Variants in LHFPL3 observed in about 807,000 individuals in gnomAD.
LHFPL3 encodes LHFPL tetraspan subfamily member 3, also known as LHFPL tetraspan subfamily member 3 protein.
In LHFPL3, 5 loss-of-function variants were observed where a neutral mutation model predicts 19.3. The ratio of observed to expected loss-of-function variants is 0.26; its 90% confidence interval spans 0.14 to 0.54. LHFPL3 has a LOEUF of 0.54. Among genes scored for constraint, LHFPL3 ranks in the 20% least tolerant of loss-of-function variants. LHFPL3 has a pLI of 0.94. For missense variants in LHFPL3, 249 were observed against 307.4 expected, an observed-to-expected ratio of 0.81 and a Z score of 1.42; for synonymous variants, 133 against 126.2, an observed-to-expected ratio of 1.05 and a Z score of -0.36.
chr7:104,642,927 A>G (rs777652805), intron 1 of LHFPL3, among the ~76,000 whole-genome samples: 1 of 152,224 alleles, frequency 6.6e-6, no homozygotes, highest in Non-Finnish European at 1.5e-5. Flanking sequence ...ATCTTGTGAT[A>G]CACAGTGATT....
intron 1 of LHFPL3, among the ~76,000 whole-genome samples, chr7:104,594,144 A>C (rs926799740): frequency 6.6e-6 from 1 of 152,164 alleles, no homozygotes; most frequent in African/African-American, 2.4e-5. Flanking sequence ...TAGTTTTTAC[A>C]ATTTGGCCTG....
chr7:104,496,642 A>T (rs1001057793), intron 1 of LHFPL3, among the ~76,000 whole-genome samples: 1 of 152,056 alleles, frequency 6.6e-6, no homozygotes, highest in Non-Finnish European at 1.5e-5. Flanking sequence ...TTGTTTCCTG[A>T]TTTTTTTAAT....
intron 1 of LHFPL3, among the ~76,000 whole-genome samples, chr7:104,554,812 A>G (rs1466539970): frequency 6.6e-6 from 1 of 152,204 alleles, no homozygotes; most frequent in South Asian, 2.1e-4. Flanking sequence ...GTCCAAGTCC[A>G]AAGCCTCAGA....
intron 1 of LHFPL3, among the ~76,000 whole-genome samples, chr7:104,585,476 CACAA>C (rs1448411690): frequency 8.2e-4 from 112 of 136,378 alleles, no homozygotes; most frequent in African/African-American, 3.1e-3. Flanking sequence ...AGGCAACACA[CACAA>C]ACACACACAC....
At chr7:104,742,801 C>T (rs1293539767) in intron 2 of LHFPL3, among the ~76,000 whole-genome samples, 2 of 152,086 alleles carry the variant, frequency 1.3e-5, no homozygotes, top group African/African-American at 2.4e-5. Flanking sequence ...TCAGTGAGCA[C>T]ATTAAATACT....
chr7:104,525,889 G>GCCA (rs1562925848), intron 1 of LHFPL3, among the ~76,000 whole-genome samples: 56 of 152,064 alleles, frequency 3.7e-4, no homozygotes, highest in African/African-American at 1.3e-3. Context: ...ACAGGGGTGA[G>GCCA]CTACTGTGCC....
At chr7:104,896,103 C>T (rs1792353262) in intron 2 of LHFPL3, 1 of 152,226 alleles carries the variant, frequency 6.6e-6, no homozygotes, top group South Asian at 2.1e-4. Context: ...GGGCCCCACC[C>T]TGAAGATCTC....
intron 1 of LHFPL3, among the ~76,000 whole-genome samples, chr7:104,524,545 C>T (rs575816603): frequency 1.3e-5 from 2 of 152,276 alleles, no homozygotes; most frequent in Non-Finnish European, 2.9e-5. Flanking sequence ...TTCCTTTATC[C>T]TCAGGCCTAG....
chr7:104,437,777 A>G (rs1792139764), intron 1 of LHFPL3, among the ~76,000 whole-genome samples: 1 of 152,164 alleles, frequency 6.6e-6, no homozygotes. Context: ...GCCTGCCCTC[A>G]GCACCTCCCA....
intron 1 of LHFPL3, among the ~76,000 whole-genome samples, chr7:104,699,741 T>C (rs1175804209): frequency 6.6e-6 from 1 of 152,154 alleles, no homozygotes; most frequent in Non-Finnish European, 1.5e-5. Context: ...ATCAAAGCAG[T>C]TTTCCCCAGC....
intron 1 of LHFPL3, among the ~76,000 whole-genome samples, chr7:104,543,969 AC>A (rs1794535565): frequency 6.6e-6 from 1 of 151,092 alleles, no homozygotes; most frequent in Non-Finnish European, 1.5e-5. Flanking sequence ...GCAGCAAACC[AC>A]CATGGCACAC....
intron 2 of LHFPL3, among the ~76,000 whole-genome samples, chr7:104,740,314 A>G (rs1242058294): frequency 6.6e-6 from 1 of 152,242 alleles, no homozygotes; most frequent in African/African-American, 2.4e-5. Flanking sequence ...CTTACATCCC[A>G]TAATGAACAA....
intron 1 of LHFPL3, among the ~76,000 whole-genome samples, chr7:104,440,692 C>G (rs1024752212): frequency 2.6e-5 from 4 of 151,930 alleles, no homozygotes; most frequent in African/African-American, 9.7e-5. Context: ...ATAGTTTTAC[C>G]TAAGGGGAAG....
chr7:104,593,904 G>A (rs760694444), intron 1 of LHFPL3, among the ~76,000 whole-genome samples: 2 of 151,824 alleles, frequency 1.3e-5, no homozygotes, highest in Non-Finnish European at 2.9e-5. Context: ...TTGGTAGATC[G>A]TCCTCCATCC....
intron 1 of LHFPL3, among the ~76,000 whole-genome samples, chr7:104,520,702 C>G (rs1794039141): frequency 7.2e-6 from 1 of 138,036 alleles, no homozygotes; most frequent in Non-Finnish European, 1.6e-5. Context: ...AGGAATTTAT[C>G]TATTTCTTCT....
intron 2 of LHFPL3, among the ~76,000 whole-genome samples, chr7:104,825,317 G>T (rs1315896287): frequency 2.0e-5 from 3 of 151,776 alleles, no homozygotes; most frequent in African/African-American, 7.3e-5. Context: ...TGATGGGTTG[G>T]TACAGAATGT....
chr7:104,733,749 T>C (rs1213380594), intron 1 of LHFPL3, among the ~76,000 whole-genome samples: 1 of 152,362 alleles, frequency 6.6e-6, no homozygotes, highest in East Asian at 1.9e-4. Context: ...TATGTGTGAA[T>C]TTGATCCTGT....
intron 1 of LHFPL3, among the ~76,000 whole-genome samples, chr7:104,470,445 T>C (rs895934871): frequency 2.0e-5 from 3 of 152,198 alleles, no homozygotes; most frequent in Admixed American, 6.5e-5. Context: ...ATTTGTAATA[T>C]CTCAATTTAA....
intron 1 of LHFPL3, among the ~76,000 whole-genome samples, chr7:104,518,455 G>GT (rs1448594919): frequency 6.6e-6 from 1 of 151,990 alleles, no homozygotes; most frequent in Non-Finnish European, 1.5e-5. Context: ...GTTGTACCTT[G>GT]TTTTTTAAAT....
Sources: gnomAD v4.1 joint callset for allele counts (sites outside exome capture counted in the v4.1 genomes callset) on GRCh38, gnomAD v4.1.1 for gene constraint, MANE v1.5 for transcripts, NCBI Gene and HGNC (gene_info 2026-07-23, HGNC 2026-07-21) for gene names.